Variants in CDH23 observed in about 807,000 individuals in gnomAD.
The protein encoded by CDH23 is cadherin-23.
In CDH23, 189 loss-of-function variants were observed where a neutral mutation model predicts 317.1. The observed-to-expected ratio is 0.60, with a 90% CI of 0.53 to 0.67. The LOEUF (loss-of-function observed/expected upper bound fraction) is 0.67, where lower values mean the gene tolerates loss of function less well. Ranked by LOEUF, CDH23 falls within the 30% of genes least tolerant of loss-of-function variation. The pLI is 0.00. For missense variants in CDH23, 4,401 were observed against 4,592.4 expected (o/e 0.96, Z 1.20); for synonymous variants, 1,839 against 1,876.8 (o/e 0.98, Z 0.52).
chr10:71,811,376 G>A lies in CDH23; in HGVS notation c.9139G>A (p.Val3047Ile), dbSNP rs558094423. The stretch of plus-strand genomic sequence containing the variant: ...ACGGAATCTTTTCCGGAACTACAAC[G>A]TCCTGGACGTGCAGCCTGCCATCTC... ...QLRNLFRNYNVLDVQPAISVR... is the reference protein window; with the variant it reads ...QLRNLFRNYNILDVQPAISVR... The change falls in exon 63 of 70, where the codon GTC becomes ATC. Residue 3047 changes from valine (V) to isoleucine (I), a missense_variant. Val to Ile is a conservative substitution (Grantham distance 29, BLOSUM62 3). Coordinates refer to ENST00000224721, the MANE Select transcript of CDH23 (RefSeq NM_022124.6). 1.8e-5 allele frequency: 29 copies of A among 1,613,938 alleles called. No individual in the cohort carries two copies. Among genetic ancestry groups the A allele is most frequent in the South Asian group, 7.7e-5 (7 of 91,082 alleles).
rs576152740 is a variant in CDH23 at position 71,444,083 on chromosome 10, C to T, written c.68-2235C>T. ...GAATTCTCTGGGCACTCATTTGCCT[C>T]GGCTGGGCTGCGTCCTGCTCTCCTG... is the stretch of plus-strand genomic sequence containing the variant. On this transcript the variant is annotated intron_variant, in intron 2 of 69. Transcript: ENST00000224721. Among the ~76,000 whole-genome samples, 17 of 152,364 alleles carry T rather than the reference C, an allele frequency of 1.1e-4. No homozygotes were observed. In the East Asian group the frequency reaches 2.7e-3, roughly 24 times the overall value.
chr10:71,570,196 A>C (rs554110659), intron 7 of CDH23, among the ~76,000 whole-genome samples: 1 of 152,074 alleles, frequency 6.6e-6, no homozygotes, highest in South Asian at 2.1e-4. Flanking sequence ...TGCTGGTTGG[A>C]TTGGGAAAAG....
chr10:71,585,115 C>T (rs1042816675), intron 9 of CDH23, among the ~76,000 whole-genome samples: 5 of 151,962 alleles, frequency 3.3e-5, no homozygotes, highest in African/African-American at 9.7e-5. Context: ...CTGTCCTTGC[C>T]GCGGGGAGGT....
At chr10:71,457,809 T>C (rs1850770086) in intron 3 of CDH23, among the ~76,000 whole-genome samples, 2 of 152,198 alleles carry the variant, frequency 1.3e-5, no homozygotes, top group Admixed American at 6.5e-5. Flanking sequence ...TGAAAATGAC[T>C]TTGGGGAAAA....
chr10:71,660,852 T>C (rs1749065012), intron 14 of CDH23, among the ~76,000 whole-genome samples: 1 of 152,206 alleles, frequency 6.6e-6, no homozygotes, highest in Non-Finnish European at 1.5e-5. Context: ...AGTGAAATCA[T>C]ACATGTAAAG....
intron 9 of CDH23, among the ~76,000 whole-genome samples, chr10:71,583,451 CAGCAGGTAGG>C (rs1383684737): frequency 6.6e-6 from 1 of 151,966 alleles, no homozygotes; most frequent in African/African-American, 2.4e-5. Flanking sequence ...GGTTGGGGGA[CAGCAGGTAGG>C]AGCAGGTAGG....
chr10:71,406,453 T>C (rs1848102871), intron 1 of CDH23, among the ~76,000 whole-genome samples: 1 of 152,192 alleles, frequency 6.6e-6, no homozygotes, highest in South Asian at 2.1e-4. Context: ...TCCTGTGATA[T>C]ACCCTGGGCC....
chr10:71,585,768 C>T (rs1156959211), intron 9 of CDH23, among the ~76,000 whole-genome samples: 1 of 152,206 alleles, frequency 6.6e-6, no homozygotes, highest in African/African-American at 2.4e-5. Context: ...CTCTCATGAG[C>T]TCGCCTTTGT....
intron 6 of CDH23, among the ~76,000 whole-genome samples, chr10:71,540,295 C>T (rs559907114): frequency 6.6e-6 from 1 of 152,292 alleles, no homozygotes; most frequent in Admixed American, 6.5e-5. Context: ...TCATTCTCCT[C>T]TGCCTTTCCC....
At chr10:71,436,615 C>T (rs1564578837) in intron 1 of CDH23, among the ~76,000 whole-genome samples, 1 of 152,216 alleles carries the variant, frequency 6.6e-6, no homozygotes, top group Non-Finnish European at 1.5e-5. Flanking sequence ...ACCTACTTCA[C>T]AGAAGTGTTT....
In CDH23 at chr10:71,662,414, T is replaced by G. The variant is rs528461721; in HGVS notation, c.1450-12698T>G. 3.3e-5 allele frequency among the ~76,000 whole-genome samples: 5 copies of G among 152,164 alleles called. No homozygotes were observed. In the East Asian group the frequency reaches 9.7e-4, roughly 29 times the overall value. On this transcript the variant is annotated intron_variant, in intron 14 of 69. Coordinates refer to ENST00000224721, the MANE Select transcript of CDH23 (RefSeq NM_022124.6). ...ACCTCTCTCCACCTTCCCACTAGAC[T>G]GGGGGCTGCCTGACACCTGCGTATC...
In CDH23 at chr10:71,725,506, C is replaced by G. The variant is rs745855338; in HGVS notation, c.3565C>G (p.Arg1189Gly). 6.2e-7 allele frequency: 1 copy of G among 1,613,310 alleles called. No individual in the cohort carries two copies. Among genetic ancestry groups the G allele is most frequent in the East Asian group, 2.2e-5 (1 of 44,866 alleles). The change falls in exon 30 of 70, where the codon CGG becomes GGG. Residue 1189 changes from arginine to glycine, a missense_variant. Physicochemically the swap from Arg to Gly is moderately radical, Grantham distance 125. Coordinates refer to ENST00000224721, the MANE Select transcript of CDH23 (RefSeq NM_022124.6). ...EAYNHDLGPM[R>G]SSVRVIVYVE... ...CTACAACCACGACCTGGGCCCCATG[C>G]GGAGCTCCGTCAGGGTGAGGCTAGG...
At chr10:71,470,746 C>T (rs886996444) in intron 3 of CDH23, among the ~76,000 whole-genome samples, 1 of 152,182 alleles carries the variant, frequency 6.6e-6, no homozygotes, top group Admixed American at 6.5e-5. Flanking sequence ...CCGCCTTGGC[C>T]TCTCAAAGTG....
At chr10:71,567,710 C>G (rs527610471) in intron 7 of CDH23, among the ~76,000 whole-genome samples, 1 of 152,222 alleles carries the variant, frequency 6.6e-6, no homozygotes, top group Non-Finnish European at 1.5e-5. Flanking sequence ...TCCTGGGGAA[C>G]AGGCAAGCCA....
chr10:71,489,214 G>A (rs1047101563), intron 3 of CDH23, among the ~76,000 whole-genome samples: 1 of 152,172 alleles, frequency 6.6e-6, no homozygotes, highest in African/African-American at 2.4e-5. Flanking sequence ...TTAAATGTAA[G>A]TTAGATCATT....
intron 11 of CDH23, among the ~76,000 whole-genome samples, chr10:71,622,150 C>T (rs1405669290): frequency 2.0e-5 from 3 of 152,140 alleles, no homozygotes; most frequent in African/African-American, 7.2e-5. Context: ...CTTGTGTCTT[C>T]CTTGGTGTTC....
chr10:71,697,485 A>G (rs1370784451), intron 22 of CDH23, among the ~76,000 whole-genome samples: 2 of 152,122 alleles, frequency 1.3e-5, no homozygotes, highest in Non-Finnish European at 2.9e-5. Context: ...TATGGGCAAC[A>G]TAGTAAGATC....
intron 14 of CDH23, among the ~76,000 whole-genome samples, chr10:71,661,638 G>A (rs1414040070): frequency 1.3e-5 from 2 of 152,186 alleles, no homozygotes; most frequent in East Asian, 1.9e-4. Flanking sequence ...GTGGGCAGAG[G>A]AGTCAGGAAA....
At chr10:71,405,862 A>G (rs992405478) in intron 1 of CDH23, among the ~76,000 whole-genome samples, 19 of 152,182 alleles carry the variant, frequency 1.2e-4, no homozygotes, top group African/African-American at 4.6e-4. Flanking sequence ...TCCTCAGCCA[A>G]TACTGAGCAT....
Sources: gnomAD v4.1 joint callset for allele counts (sites outside exome capture counted in the v4.1 genomes callset) on GRCh38, gnomAD v4.1.1 for gene constraint, MANE v1.5 for transcripts, NCBI Gene and HGNC (gene_info 2026-07-23, HGNC 2026-07-21) for gene names.